The following KCNQ5 variants were observed in gnomAD, a reference collection of about 807,000 sequenced individuals.
KCNQ5 encodes potassium voltage-gated channel subfamily KQT member 5.
KCNQ5 carries 30 observed loss-of-function variants against 98.2 expected under a neutral mutation model. The observed-to-expected ratio is 0.31, with a 90% CI of 0.23 to 0.41. The LOEUF is 0.41. Among genes scored for constraint, KCNQ5 ranks in the 10% least tolerant of loss-of-function variants. KCNQ5 has a pLI of 1.00. For missense variants in KCNQ5, 835 were observed against 1,182.5 expected (o/e 0.71, Z 4.31); for synonymous variants, 458 against 449.4 (o/e 1.02, Z -0.24).
Position 72,956,961 on chromosome 6 carries a change from T to C in KCNQ5, c.399-46947T>C, listed in dbSNP as rs184540345. 8.5e-4 allele frequency among the ~76,000 whole-genome samples: 129 copies of C among 152,254 alleles called. 1 individual carries two copies. Among genetic ancestry groups the C allele is most frequent in the African/African-American group, 2.8e-3 (117 of 41,558 alleles). ...AAGGTTCCTGAAAAGTAAGCATGGA[T>C]GAAAACAGATGTTTAGAGCACTAGG... On this transcript the variant is annotated intron_variant, in intron 1 of 13. Coordinates refer to ENST00000370398, the MANE Select transcript of KCNQ5 (RefSeq NM_019842.4).
chr6:72,650,331 TA>T lies in KCNQ5; in HGVS notation c.398+27745del, dbSNP rs987137426. Among the ~76,000 whole-genome samples, 33 of 152,254 alleles carry T rather than the reference TA, an allele frequency of 2.2e-4. 1 individual carries two copies. The highest frequency in any genetic ancestry group is 2.1e-3 in the Admixed American group (32 of 15,258). On this transcript the variant is annotated intron_variant, in intron 1 of 13. Transcript: ENST00000370398. ...GGTACATTCTGGTTATATCACATTTTAGACAACTGCTTAGTCAAATGAAATG... is the reference window on the plus strand; with the variant it reads ...GGTACATTCTGGTTATATCACATTTTGACAACTGCTTAGTCAAATGAAATG...
At chr6:72,890,972 G>A (rs1779035125) in intron 1 of KCNQ5, among the ~76,000 whole-genome samples, 1 of 152,184 alleles carries the variant, frequency 6.6e-6, no homozygotes, top group South Asian at 2.1e-4. Context: ...GAAGAATTTT[G>A]GGAAATGGGA....
chr6:73,031,834 C>A (rs1355516884), intron 2 of KCNQ5, among the ~76,000 whole-genome samples: 1 of 152,042 alleles, frequency 6.6e-6, no homozygotes, highest in African/African-American at 2.4e-5. Context: ...TCTGTAAATA[C>A]CCTCAAGGAA....
chr6:72,846,895 A>AG (rs1777045641), intron 1 of KCNQ5, among the ~76,000 whole-genome samples: 1 of 152,176 alleles, frequency 6.6e-6, no homozygotes, highest in African/African-American at 2.4e-5. Flanking sequence ...TTAAGTTGGA[A>AG]GATCTGATGA....
At chr6:72,743,151 G>T (rs966627573) in intron 1 of KCNQ5, among the ~76,000 whole-genome samples, 15 of 151,988 alleles carry the variant, frequency 9.9e-5, no homozygotes, top group Non-Finnish European at 2.2e-4. Flanking sequence ...TTGACTTCAG[G>T]TAATGTAGCA....
chr6:73,006,818 C>T (rs1366765110), intron 2 of KCNQ5, among the ~76,000 whole-genome samples: 1 of 152,086 alleles, frequency 6.6e-6, no homozygotes, highest in South Asian at 2.1e-4. Context: ...TAACTTCCAT[C>T]CCTTTTGGTT....
chr6:72,669,840 T>C (rs1767009419), intron 1 of KCNQ5, among the ~76,000 whole-genome samples: 1 of 152,028 alleles, frequency 6.6e-6, no homozygotes, highest in Non-Finnish European at 1.5e-5. Context: ...ATGCTCTCTA[T>C]CAAGCAGTTG....
chr6:72,980,685 C>T (rs1768396318), intron 1 of KCNQ5, among the ~76,000 whole-genome samples: 1 of 152,168 alleles, frequency 6.6e-6, no homozygotes, highest in Non-Finnish European at 1.5e-5. Flanking sequence ...TGCCTGATTG[C>T]CCTGGCCAGA....
intron 2 of KCNQ5, among the ~76,000 whole-genome samples, chr6:73,025,585 T>G (rs1157078099): frequency 1.5e-5 from 2 of 134,470 alleles, no homozygotes; most frequent in East Asian, 4.6e-4. Context: ...ATTGCACCAC[T>G]GTACTCCAGC....
intron 1 of KCNQ5, among the ~76,000 whole-genome samples, chr6:72,835,347 T>C (rs1047298707): frequency 6.6e-6 from 1 of 152,188 alleles, no homozygotes; most frequent in Non-Finnish European, 1.5e-5. Flanking sequence ...GGAATTACTT[T>C]CTGCTTCATA....
At chr6:72,850,227 A>G (rs958735645) in intron 1 of KCNQ5, among the ~76,000 whole-genome samples, 3 of 152,194 alleles carry the variant, frequency 2.0e-5, no homozygotes, top group African/African-American at 7.2e-5. Context: ...CATGGAGAAC[A>G]GAATTGCTGT....
rs149059252 is a variant in KCNQ5 at position 73,129,741 on chromosome 6, T to C, written c.1248-3680T>C. The C allele has an allele frequency of 7.4e-6, 11 of 1,496,562 alleles. No homozygotes were observed. The African/African-American group carries it at 1.4e-4, about 19-fold the overall frequency. The allele number at this position is 1,496,562 out of a possible 1,614,324, so 92.7% of individuals were successfully genotyped here. On this transcript the variant is annotated intron_variant, in intron 9 of 13. Coordinates refer to ENST00000370398, the MANE Select transcript of KCNQ5 (RefSeq NM_019842.4). Reference sequence around the variant, plus strand: ...TTTATAAAAGAATCCCTGAGCACTTTCCTATTCGTGAAATGCTTAGTAATG... The same window carrying C: ...TTTATAAAAGAATCCCTGAGCACTTCCCTATTCGTGAAATGCTTAGTAATG...
chr6:73,018,761 C>A (rs1173071811), intron 2 of KCNQ5, among the ~76,000 whole-genome samples: 1 of 152,136 alleles, frequency 6.6e-6, no homozygotes, highest in Non-Finnish European at 1.5e-5. Context: ...ATGCAAGTTA[C>A]CTCATCCACA....
rs140171454 is a variant in KCNQ5 at position 73,194,533 on chromosome 6, G to A, written c.1918G>A (p.Ala640Thr). The stretch of plus-strand genomic sequence containing the variant: ...TCGGAAAGGCTCTGCCTCAGCCCTC[G>A]CTTTGGCTTCATTCCAGATCCCACC... ...VLRKGSASALALASFQIPPFE... is the reference protein window; with the variant it reads ...VLRKGSASALTLASFQIPPFE... The change falls in exon 14 of 14, where the codon GCT (alanine) becomes ACT (threonine). Residue 640 changes from alanine to threonine, a missense_variant. Transcript: ENST00000370398. The A allele has an allele frequency of 2.6e-5, 42 of 1,614,032 alleles. No individual in the cohort carries two copies. In the African/African-American group the frequency reaches 2.9e-4, roughly 11 times the overall value.
intron 2 of KCNQ5, among the ~76,000 whole-genome samples, chr6:73,008,220 T>C (rs1462111421): frequency 6.6e-6 from 1 of 151,976 alleles, no homozygotes; most frequent in Non-Finnish European, 1.5e-5. Flanking sequence ...CTATGAAGTA[T>C]ATGTAAAACA....
At chr6:72,841,332 T>G (rs1463973560) in intron 1 of KCNQ5, among the ~76,000 whole-genome samples, 1 of 152,184 alleles carries the variant, frequency 6.6e-6, no homozygotes, top group Non-Finnish European at 1.5e-5. Context: ...AACACCTTCT[T>G]GAACTGCATG....
intron 3 of KCNQ5, among the ~76,000 whole-genome samples, chr6:73,070,751 A>C (rs1273505533): frequency 6.6e-6 from 1 of 152,180 alleles, no homozygotes; most frequent in Admixed American, 6.5e-5. Flanking sequence ...CGTCTTCATT[A>C]ACTAGAATTA....
At chr6:73,101,256 C>T (rs949945175) in intron 5 of KCNQ5, among the ~76,000 whole-genome samples, 5 of 152,060 alleles carry the variant, frequency 3.3e-5, no homozygotes, top group African/African-American at 7.2e-5. Context: ...ACTAGCAAAC[C>T]GAATTCAACA....
intron 1 of KCNQ5, among the ~76,000 whole-genome samples, chr6:72,744,536 C>T (rs1044893953): frequency 1.3e-5 from 2 of 152,144 alleles, no homozygotes; most frequent in African/African-American, 2.4e-5. Flanking sequence ...GAGGGCCAGG[C>T]ACGGTGGCTC....
Sources: allele counts gnomAD v4.1 joint callset (sites outside exome capture counted in the v4.1 genomes callset), GRCh38; gene constraint gnomAD v4.1.1; transcripts MANE v1.5; gene names NCBI Gene and HGNC (gene_info 2026-07-23, HGNC 2026-07-21).